Variants in ERICH3 observed in about 807,000 individuals in gnomAD.
ERICH3 encodes glutamate rich 3, also known as glutamate-rich protein 3.
Under a neutral mutation model 131.1 loss-of-function variants are expected in ERICH3, and 126 were observed. That is an observed-to-expected ratio of 0.96 (90% CI 0.83 to 1.11). ERICH3 has a LOEUF of 1.11. Among genes scored for constraint, ERICH3 ranks in the 50% most tolerant of loss-of-function variants. ERICH3 has a pLI of 0.00. For synonymous variants in ERICH3, 695 were observed against 644.6 expected (o/e 1.08, Z -1.18); for missense variants, 2,050 against 1,810.7 (o/e 1.13, Z -2.40).
chr1:74,596,315 C>CT (rs964925804), intron 11 of ERICH3, among the ~76,000 whole-genome samples: 15 of 151,186 alleles, frequency 9.9e-5, no homozygotes, highest in Non-Finnish European at 1.9e-4. Context: ...GCTAGTTAGT[C>CT]TTTTTTTTCA....
At chr1:74,596,577 C>G (rs1647861912) in intron 11 of ERICH3, among the ~76,000 whole-genome samples, 1 of 152,016 alleles carries the variant, frequency 6.6e-6, no homozygotes, top group Non-Finnish European at 1.5e-5. Context: ...AGAACTTATT[C>G]TTCCTGTCTA....
intron 12 of ERICH3, among the ~76,000 whole-genome samples, chr1:74,583,479 TTCTCTC>T (rs141353159): frequency 6.6e-6 from 1 of 151,666 alleles, no homozygotes; most frequent in Non-Finnish European, 1.5e-5. Flanking sequence ...TGTGGTCTCT[TTCTCTC>T]TCTCTCTCCT....
chr1:74,571,122 C>A lies in ERICH3; in HGVS notation c.4588G>T (p.Val1530Phe). ...TADVSPNNVQ[V>F] ...ACTGTCTGCCAGCAAGTCTCCTAGA[C>A]CTGCACGTTGTTGGGGGAAACATCT... Residue 1530 changes from valine to phenylalanine, a missense_variant, in exon 14 of 15, where the codon GTC becomes TTC. Physicochemically the swap from Val to Phe is conservative, Grantham distance 50. Coordinates refer to ENST00000326665, the MANE Select transcript of ERICH3 (RefSeq NM_001002912.5). The A allele has an allele frequency of 6.2e-7, 1 of 1,612,826 alleles. No homozygotes were observed. The highest frequency in any genetic ancestry group is 8.5e-7 in the Non-Finnish European group (1 of 1,179,362).
intron 10 of ERICH3, among the ~76,000 whole-genome samples, chr1:74,605,673 C>T (rs1648351635): frequency 6.6e-6 from 1 of 151,652 alleles, no homozygotes; most frequent in Non-Finnish European, 1.5e-5. Flanking sequence ...GTGGAGCAGT[C>T]AGAAAATTGA....
chr1:74,648,657 A>G (rs11210492), intron 2 of ERICH3, among the ~76,000 whole-genome samples: 70,188 of 152,008 alleles, frequency 0.46, 16,741 homozygotes, highest in Non-Finnish European at 0.52. Context: ...CTTTCTTTCC[A>G]TGGAATACTA....
chr1:74,597,164 A>G (rs1328499812), intron 11 of ERICH3, among the ~76,000 whole-genome samples: 1 of 152,108 alleles, frequency 6.6e-6, no homozygotes, highest in Non-Finnish European at 1.5e-5. Flanking sequence ...CCATCATGTC[A>G]TTATCATTTT....
At chr1:74,610,148 G>A (rs544617652) in intron 9 of ERICH3, among the ~76,000 whole-genome samples, 1 of 151,844 alleles carries the variant, frequency 6.6e-6, no homozygotes, top group Non-Finnish European at 1.5e-5. Flanking sequence ...AGTTGGAATA[G>A]GAAGGCAGTT....
intron 11 of ERICH3, among the ~76,000 whole-genome samples, chr1:74,590,732 C>G (rs979813051): frequency 4.6e-5 from 7 of 152,132 alleles, no homozygotes; most frequent in African/African-American, 1.7e-4. Context: ...GGACCCTGTA[C>G]CAGTCCGTGG....
chr1:74,585,658 T>C (rs1051971584), intron 12 of ERICH3, among the ~76,000 whole-genome samples: 10 of 152,126 alleles, frequency 6.6e-5, no homozygotes, highest in African/African-American at 1.9e-4. Context: ...TGAAAAATAA[T>C]TAAATACCAT....
chr1:74,605,769 C>G (rs111673973), intron 10 of ERICH3, among the ~76,000 whole-genome samples: 5,936 of 151,558 alleles, frequency 0.039, 404 homozygotes, highest in African/African-American at 0.14. Context: ...TCACAGATCA[C>G]CATGACAGAT....
chr1:74,591,542 C>A (rs1647605593), intron 11 of ERICH3, among the ~76,000 whole-genome samples: 1 of 152,084 alleles, frequency 6.6e-6, no homozygotes, highest in South Asian at 2.1e-4. Context: ...GTGAAGGGAG[C>A]AGAAGATGGG....
chr1:74,655,384 C>T (rs1646574511), intron 1 of ERICH3, among the ~76,000 whole-genome samples: 1 of 152,182 alleles, frequency 6.6e-6, no homozygotes, highest in African/African-American at 2.4e-5. Flanking sequence ...GGCATTCCTT[C>T]TGCAGGATCT....
At chr1:74,605,657 T>C (rs1007812930) in intron 10 of ERICH3, among the ~76,000 whole-genome samples, 3 of 151,694 alleles carry the variant, frequency 2.0e-5, no homozygotes, top group Non-Finnish European at 4.4e-5. Context: ...GGAGAACAGC[T>C]GGTCAGTGGA....
At chr1:74,641,865 A>G (rs1292203863) in intron 4 of ERICH3, among the ~76,000 whole-genome samples, 1 of 152,178 alleles carries the variant, frequency 6.6e-6, no homozygotes, top group Non-Finnish European at 1.5e-5. Context: ...TGCCAAATTC[A>G]GTAATAAAGT....
intron 11 of ERICH3, 84 bp downstream of exon 11, chr1:74,599,611 T>C (rs914710803): frequency 1.8e-6 from 2 of 1,137,028 alleles, no homozygotes; most frequent in Non-Finnish European, 2.5e-6. Context: ...AAAAAGAGGA[T>C]TATCTCATTA....
At chr1:74,613,191 AC>A (rs1355842618) in intron 8 of ERICH3, among the ~76,000 whole-genome samples, 1 of 152,216 alleles carries the variant, frequency 6.6e-6, no homozygotes, top group Non-Finnish European at 1.5e-5. Context: ...GCATTTGATT[AC>A]TTTTATTTGT....
chr1:74,590,744 C>T (rs938016377), intron 11 of ERICH3, among the ~76,000 whole-genome samples: 12 of 152,032 alleles, frequency 7.9e-5, no homozygotes, highest in Non-Finnish European at 1.5e-4. Flanking sequence ...AGTCCGTGGC[C>T]CGGGGATTAG....
chr1:74,642,052 A>G (rs1646442404), intron 4 of ERICH3, among the ~76,000 whole-genome samples: 1 of 152,058 alleles, frequency 6.6e-6, no homozygotes, highest in African/African-American at 2.4e-5. Context: ...TCCAGTAACC[A>G]CATTTTCTCC....
At chr1:74,585,862 T>C (rs986394603) in intron 12 of ERICH3, among the ~76,000 whole-genome samples, 3 of 152,144 alleles carry the variant, frequency 2.0e-5, no homozygotes, top group African/African-American at 7.2e-5. Flanking sequence ...ATTTAAAATA[T>C]TAACAAATTT....
Sources: gnomAD v4.1 joint callset for allele counts (sites outside exome capture counted in the v4.1 genomes callset) on GRCh38, gnomAD v4.1.1 for gene constraint, MANE v1.5 for transcripts, NCBI Gene and HGNC (gene_info 2026-07-23, HGNC 2026-07-21) for gene names.